Variants in FAM53B observed in about 807,000 individuals in gnomAD.
The protein encoded by FAM53B is protein FAM53B.
Under a neutral mutation model 32.7 loss-of-function variants are expected in FAM53B, and 12 were observed. The ratio of observed to expected loss-of-function variants is 0.37; its 90% CI spans 0.24 to 0.59. FAM53B has a LOEUF of 0.59. FAM53B is among the 20% of genes least tolerant of loss of function. The pLI is 0.72. For missense variants in FAM53B, 477 were observed against 577.7 expected (o/e 0.83, Z 1.79); for synonymous variants, 234 against 228.7 (o/e 1.02, Z -0.21).
At chr10:124,739,051 A>C (rs1304234269) in intron 1 of FAM53B, among the ~76,000 whole-genome samples, 3 of 149,822 alleles carry the variant, frequency 2.0e-5, no homozygotes, top group Non-Finnish European at 2.9e-5. Context: ...AACAAAAAAA[A>C]AAAAACAAAA....
intron 4 of FAM53B, among the ~76,000 whole-genome samples, chr10:124,633,477 G>A (rs1031342125): frequency 6.6e-6 from 1 of 152,144 alleles, no homozygotes; most frequent in African/African-American, 2.4e-5. Flanking sequence ...AGTGAGATTA[G>A]TCAGGAAAAC....
intron 4 of FAM53B, 69 bp downstream of exon 4, chr10:124,681,538 T>C: frequency 1.4e-6 from 2 of 1,391,858 alleles, no homozygotes; most frequent in Non-Finnish European, 1.9e-6. Flanking sequence ...TATGCTTGTC[T>C]AGGACGGCCC....
intron 2 of FAM53B, among the ~76,000 whole-genome samples, chr10:124,699,021 G>A (rs562672187): frequency 5.6e-4 from 86 of 152,290 alleles, no homozygotes; most frequent in African/African-American, 1.9e-3. Flanking sequence ...GGATCTTCAC[G>A]CAGCAGGCTT....
chr10:124,655,859 GTCTA>G (rs1177030731), intron 4 of FAM53B, among the ~76,000 whole-genome samples: 4 of 152,148 alleles, frequency 2.6e-5, no homozygotes, highest in African/African-American at 7.2e-5. Flanking sequence ...TCTTAATATT[GTCTA>G]TCTGTCTACA....
chr10:124,670,476 G>A (rs1481350298), intron 4 of FAM53B, among the ~76,000 whole-genome samples: 1 of 152,104 alleles, frequency 6.6e-6, no homozygotes, highest in Non-Finnish European at 1.5e-5. Context: ...GGCCAACCGT[G>A]ATGGCCCTGC....
intron 1 of FAM53B, among the ~76,000 whole-genome samples, chr10:124,722,866 G>T (rs1950078079): frequency 6.6e-6 from 1 of 152,204 alleles, no homozygotes; most frequent in Non-Finnish European, 1.5e-5. Context: ...TTGTACACAT[G>T]CATGTACTGC....
intron 2 of FAM53B, among the ~76,000 whole-genome samples, chr10:124,703,364 T>C (rs115250234): frequency 0.05 from 7,672 of 152,342 alleles, 637 homozygotes; most frequent in African/African-American, 0.17. Flanking sequence ...ATACTTCTTA[T>C]ACAGCCTGCA....
In FAM53B at chr10:124,651,256, A is replaced by G. The variant is rs1949553548; in HGVS notation, c.907-27652T>C. Among the ~76,000 whole-genome samples the G allele has an allele frequency of 6.6e-6, 1 of 152,176 alleles. No homozygotes were observed. Among genetic ancestry groups the G allele is most frequent in the African/African-American group, 2.4e-5 (1 of 41,432 alleles). ...TGTGGCCTTGCTGCTAGCCTTTTCC[A>G]GGAGCTGAGGCCCCAGGGCCCTAAC... On this transcript the variant is annotated intron_variant, in intron 4 of 4. Coordinates refer to ENST00000337318, the MANE Select transcript of FAM53B (RefSeq NM_014661.4). This position sits in a 1 kb window ranked among gnomAD's most constrained non-coding sequence, Gnocchi z 5.2.
At chr10:124,681,580 G>T (rs368057333) in intron 4 of FAM53B, 27 bp downstream of exon 4, 2 of 1,539,234 alleles carry the variant, frequency 1.3e-6, no homozygotes, top group African/African-American at 2.7e-5. Context: ...GAGCACCAAG[G>T]TGACTCCAGG....
At chr10:124,700,307 C>T (rs1246002023) in intron 2 of FAM53B, among the ~76,000 whole-genome samples, 1 of 152,214 alleles carries the variant, frequency 6.6e-6, no homozygotes, top group Non-Finnish European at 1.5e-5. Context: ...CACGGCCTTT[C>T]CAACACTTTG....
chr10:124,669,710 G>A (rs1252781279), intron 4 of FAM53B, among the ~76,000 whole-genome samples: 1 of 152,166 alleles, frequency 6.6e-6, no homozygotes, highest in East Asian at 1.9e-4. Context: ...CCCCAGGAAG[G>A]GAGCCCTATG....
chr10:124,631,884 T>C (rs548086476), intron 4 of FAM53B, among the ~76,000 whole-genome samples: 150 of 152,294 alleles, frequency 9.8e-4, no homozygotes, highest in African/African-American at 3.3e-3. Context: ...CTCCTGTGTG[T>C]ACCCCATTTC....
intron 4 of FAM53B, among the ~76,000 whole-genome samples, chr10:124,660,268 G>C (rs538152623): frequency 6.6e-6 from 1 of 152,132 alleles, no homozygotes; most frequent in African/African-American, 2.4e-5. Flanking sequence ...CAGAGCAAAC[G>C]ATCCATCCTC....
In FAM53B at chr10:124,730,844, T is replaced by A. The variant is rs536341100; in HGVS notation, c.-175+13169A>T. 3.3e-5 allele frequency among the ~76,000 whole-genome samples: 5 copies of A among 152,234 alleles called. No individual in the cohort carries two copies. The South Asian group carries it at 6.2e-4, about 19-fold the overall frequency. On this transcript the variant is annotated intron_variant, in intron 1 of 4. Transcript: ENST00000337318. ...GCAGAGTATTCATGTGGAGAAGAGG[T>A]CAGCACATTTTTTTTTCTGTAAAGG...
rs140039385 is a variant in FAM53B at position 124,702,834 on chromosome 10, G to A, written c.78+3802C>T. Among the ~76,000 whole-genome samples, 1,398 of 152,206 alleles carry A rather than the reference G, an allele frequency of 9.2e-3. 20 individuals carry two copies. The highest frequency in any genetic ancestry group is 0.011 in the Non-Finnish European group (747 of 68,008). ...TGGGGGGTGTTTGGGTCATGGGAGC[G>A]GATCCCTCATGAATGGCTTGGTGGC... On this transcript the variant is annotated intron_variant, in intron 2 of 4. Transcript: ENST00000337318.
chr10:124,693,231 T>G (rs1484450450), intron 3 of FAM53B, among the ~76,000 whole-genome samples: 1 of 151,672 alleles, frequency 6.6e-6, no homozygotes, highest in South Asian at 2.1e-4. Flanking sequence ...CAGCACTTTG[T>G]GAGGCTGAGG....
chr10:124,730,302 G>A (rs1311681388), intron 1 of FAM53B, among the ~76,000 whole-genome samples: 1 of 152,196 alleles, frequency 6.6e-6, no homozygotes, highest in Admixed American at 6.5e-5. Flanking sequence ...CACACATGGG[G>A]CACTGGACAT....
chr10:124,723,858 A>C (rs1042936021), intron 1 of FAM53B, among the ~76,000 whole-genome samples: 3 of 152,158 alleles, frequency 2.0e-5, no homozygotes, highest in African/African-American at 7.2e-5. Context: ...CTTAGAACAG[A>C]CTTTTACTCA....
chr10:124,725,347 C>A, intron 1 of FAM53B, among the ~76,000 whole-genome samples: 1 of 152,214 alleles, frequency 6.6e-6, no homozygotes, highest in Admixed American at 6.5e-5. Flanking sequence ...CGGCTGGGCT[C>A]AGGTGTCATC....
Sources: allele counts gnomAD v4.1 joint callset (sites outside exome capture counted in the v4.1 genomes callset), GRCh38; gene constraint gnomAD v4.1.1; non-coding constraint Gnocchi (gnomAD v3.1); transcripts MANE v1.5; gene names NCBI Gene and HGNC (gene_info 2026-07-23, HGNC 2026-07-21).